SAP130: variants seen among roughly 807,000 people sequenced by gnomAD.
SAP130 encodes the protein histone deacetylase complex subunit SAP130.
SAP130 carries 16 observed loss-of-function variants against 103.2 expected under a neutral mutation model. The ratio of observed to expected loss-of-function variants is 0.16; its 90% CI spans 0.10 to 0.24. SAP130 has a LOEUF of 0.24. Ranked by LOEUF, SAP130 falls within the 10% of genes least tolerant of loss-of-function variation. SAP130 has a pLI of 1.00. For missense variants in SAP130, 990 were observed against 1,359.7 expected (o/e 0.73, Z 4.28); for synonymous variants, 477 against 497.0 (o/e 0.96, Z 0.53).
intron 19 of SAP130, among the ~76,000 whole-genome samples, chr2:127,944,155 C>T (rs1046727537): frequency 5.3e-5 from 8 of 151,978 alleles, no homozygotes; most frequent in Admixed American, 1.3e-4. Context: ...CCTCAGCTTC[C>T]CAGGTAGCTG....
chr2:127,970,365 AC>A (rs891099301), intron 15 of SAP130, among the ~76,000 whole-genome samples: 3 of 151,464 alleles, frequency 2.0e-5, no homozygotes, highest in Non-Finnish European at 4.4e-5. Context: ...ACATGGTGAA[AC>A]CCTGTCTCTA....
intron 15 of SAP130, among the ~76,000 whole-genome samples, chr2:127,967,068 A>G (rs1326172810): frequency 2.0e-5 from 3 of 152,238 alleles, no homozygotes; most frequent in Non-Finnish European, 4.4e-5. Flanking sequence ...GACAAAGGAC[A>G]TACTATATTA....
intron 15 of SAP130, among the ~76,000 whole-genome samples, chr2:127,956,583 T>G (rs1049018397): frequency 1.4e-5 from 2 of 147,738 alleles, no homozygotes; most frequent in Non-Finnish European, 3.0e-5. Flanking sequence ...GGGACAGCAT[T>G]AGGAGATCTA....
chr2:127,981,880 A>G (rs1681962546), intron 14 of SAP130, among the ~76,000 whole-genome samples: 1 of 151,820 alleles, frequency 6.6e-6, no homozygotes, highest in Non-Finnish European at 1.5e-5. Flanking sequence ...TTCTGGCCCT[A>G]CAAAACCCTG....
At chr2:127,993,636 C>A (rs897326610) in intron 11 of SAP130, among the ~76,000 whole-genome samples, 5 of 152,148 alleles carry the variant, frequency 3.3e-5, no homozygotes, top group African/African-American at 7.2e-5. Flanking sequence ...GAACTACACT[C>A]AACTCAAATT....
chr2:128,001,933 T>C (rs1313805224), intron 7 of SAP130, among the ~76,000 whole-genome samples: 1 of 136,860 alleles, frequency 7.3e-6, no homozygotes, highest in Non-Finnish European at 1.5e-5. Flanking sequence ...TGAAAAAAAC[T>C]TTTTTTTTTT....
chr2:128,019,024 G>A (rs1329633484), intron 2 of SAP130, among the ~76,000 whole-genome samples: 1 of 151,928 alleles, frequency 6.6e-6, no homozygotes, highest in South Asian at 2.1e-4. Context: ...CTTGAACCCA[G>A]GAGATGGGAG....
chr2:128,013,849 G>C (rs1462600064), intron 5 of SAP130, among the ~76,000 whole-genome samples: 1 of 152,160 alleles, frequency 6.6e-6, no homozygotes, highest in South Asian at 2.1e-4. Flanking sequence ...AAGATCGCTT[G>C]TGCCCCAGAA....
intron 15 of SAP130, among the ~76,000 whole-genome samples, chr2:127,961,072 C>T (rs1680214544): frequency 6.6e-6 from 1 of 151,392 alleles, no homozygotes; most frequent in Non-Finnish European, 1.5e-5. Flanking sequence ...TCACTGCAGC[C>T]TCGACCTCCC....
At chr2:128,012,923 T>A (rs1684505685) in intron 6 of SAP130, 107 bp downstream of exon 6, 10 of 1,126,550 alleles carry the variant, frequency 8.9e-6, no homozygotes, top group African/African-American at 1.6e-5. Flanking sequence ...AACTTCCCTA[T>A]GTCTTGGCAA....
chr2:128,004,320 CAG>C (rs1683804964), intron 7 of SAP130, among the ~76,000 whole-genome samples: 1 of 147,620 alleles, frequency 6.8e-6, no homozygotes, highest in African/African-American at 2.5e-5. Flanking sequence ...GACAACCAAA[CAG>C]GGACTCAGGA....
At position 128,021,888 on chromosome 2, in the gene SAP130, C is replaced by T. The variant is rs562336604; in HGVS notation, c.113-3973G>A. 2.6e-5 allele frequency among the ~76,000 whole-genome samples: 4 copies of T among 152,242 alleles called. No homozygotes were observed. The South Asian group carries it at 8.3e-4, about 32-fold the overall frequency. On this transcript the variant is annotated intron_variant, in intron 2 of 20. Transcript: ENST00000643581. ...AATGTTGAACATCTTTTTATGTGATCCCAGCCCATTCATATATATCTTCTT... is the reference window on the plus strand; with the variant it reads ...AATGTTGAACATCTTTTTATGTGATTCCAGCCCATTCATATATATCTTCTT...
intron 1 of SAP130, among the ~76,000 whole-genome samples, chr2:128,027,546 T>A (rs1685609661): frequency 6.6e-6 from 1 of 150,794 alleles, no homozygotes. Context: ...TCAGCCAGGG[T>A]CTGAAAGCGG....
At chr2:127,954,459 A>T (rs186453763) in intron 16 of SAP130, among the ~76,000 whole-genome samples, 1 of 152,250 alleles carries the variant, frequency 6.6e-6, no homozygotes, top group African/African-American at 2.4e-5. Context: ...AAAAAAAAGA[A>T]AGAAAACCTC....
At chr2:128,004,921 A>G (rs1029542403) in intron 7 of SAP130, among the ~76,000 whole-genome samples, 2 of 152,332 alleles carry the variant, frequency 1.3e-5, no homozygotes, top group Non-Finnish European at 2.9e-5. Flanking sequence ...GGGGATCCAG[A>G]ATAAAGCCAA....
In SAP130 at chr2:127,992,957, A is replaced by G. The variant is rs553050690; in HGVS notation, c.1477+230T>C. Among the ~76,000 whole-genome samples, 12 of 152,366 alleles carry G rather than the reference A, an allele frequency of 7.9e-5. No individual in the cohort carries two copies. In the South Asian group the frequency reaches 8.3e-4, roughly 11 times the overall value. On this transcript the variant is annotated intron_variant, in intron 12 of 20. Transcript: ENST00000643581. ...TTAAGGAGTAACAAAAATTGTTAACATGAGTATCCTCAGGGTGGCATAATA... is the reference window on the plus strand; with the variant it reads ...TTAAGGAGTAACAAAAATTGTTAACGTGAGTATCCTCAGGGTGGCATAATA...
intron 2 of SAP130, among the ~76,000 whole-genome samples, chr2:128,018,590 A>AAGACCAG (rs1184531472): frequency 6.6e-6 from 1 of 151,850 alleles, no homozygotes; most frequent in Non-Finnish European, 1.5e-5. Context: ...CCAGGAGTTC[A>AAGACCAG]AGACCAGCCT....
chr2:127,989,486 C>A lies in SAP130; in HGVS notation c.1780+78G>T, dbSNP rs2105010600. The A allele has an allele frequency of 7.8e-7, 1 of 1,284,004 alleles. No individual in the cohort carries two copies. The highest frequency in any genetic ancestry group is 1.4e-5 in the South Asian group (1 of 69,044). 79.5% of individuals were successfully genotyped at this position (1,284,004 alleles called of 1,614,324 possible). A position where few individuals can be genotyped will look rare whatever the true frequency, so the allele number is the denominator to read the frequency against. Reference sequence around the variant, plus strand: ...CTAGAGAAATTATAAGACGACAAAGCCAGTGGCAGAGAAAGGATTTAAACC... The same window carrying A: ...CTAGAGAAATTATAAGACGACAAAGACAGTGGCAGAGAAAGGATTTAAACC... On this transcript the variant is annotated intron_variant, in intron 13 of 20. Transcript: ENST00000643581. The surrounding 1 kb of genome is among the most constrained non-coding windows in gnomAD (Gnocchi z 4.6).
chr2:128,000,220 T>C, intron 8 of SAP130, 74 bp from the exon 9 acceptor site: 1 of 1,602,564 alleles, frequency 6.2e-7, no homozygotes, highest in South Asian at 1.1e-5. Context: ...ATCAATGCCT[T>C]CGGTATCACC....
Sources: allele counts gnomAD v4.1 joint callset (sites outside exome capture counted in the v4.1 genomes callset), GRCh38; gene constraint gnomAD v4.1.1; non-coding constraint Gnocchi (gnomAD v3.1); transcripts MANE v1.5; gene names NCBI Gene and HGNC (gene_info 2026-07-23, HGNC 2026-07-21).